COQ2: variants seen among roughly 807,000 people sequenced by gnomAD.
The protein encoded by COQ2 is coenzyme Q2, polyprenyltransferase.
Under a neutral mutation model 35.7 loss-of-function variants are expected in COQ2, and 25 were observed. The ratio of observed to expected loss-of-function variants is 0.70; its 90% CI spans 0.51 to 0.98. The LOEUF (loss-of-function observed/expected upper bound fraction) is 0.98, where lower values mean the gene tolerates loss of function less well. Among genes scored for constraint, COQ2 ranks in the 50% least tolerant of loss-of-function variants. The probability of loss-of-function intolerance (pLI) is 0.00; values close to 1 mark genes in which losing one functional copy is unlikely to be tolerated. For synonymous variants in COQ2, 206 were observed against 186.2 expected, an observed-to-expected ratio of 1.11 and a Z score of -0.86; for missense variants, 488 against 473.5, an observed-to-expected ratio of 1.03 and a Z score of -0.28.
At chr4:83,276,070 T>A (rs28538667) in intron 2 of COQ2, among the ~76,000 whole-genome samples, 204 of 66,610 alleles carry the variant, frequency 3.1e-3, no homozygotes, top group African/African-American at 8.7e-3. Context: ...ATATATATTT[T>A]ATATATAATA....
At chr4:83,274,539 G>A (rs34110644) in intron 2 of COQ2, among the ~76,000 whole-genome samples, 72,613 of 143,670 alleles carry the variant, frequency 0.51, 21,139 homozygotes, top group East Asian at 0.69. Context: ...AAAATTTGTT[G>A]ATGTGCAAAT....
At chr4:83,273,640 C>T in intron 2 of COQ2, 23 bp from the exon 3 acceptor site, 1 of 1,607,998 alleles carries the variant, frequency 6.2e-7, no homozygotes, top group Non-Finnish European at 8.5e-7. Flanking sequence ...AAACAGATAC[C>T]TTAGCTTCAT....
intron 2 of COQ2, among the ~76,000 whole-genome samples, chr4:83,276,284 C>T (rs75268241): frequency 6.6e-6 from 1 of 150,810 alleles, no homozygotes; most frequent in African/African-American, 2.5e-5. Flanking sequence ...CTTGTAGATT[C>T]TAGACATTAG....
At chr4:83,268,568 T>C (rs1001616725) in intron 5 of COQ2, among the ~76,000 whole-genome samples, 2 of 152,302 alleles carry the variant, frequency 1.3e-5, no homozygotes, top group Middle Eastern at 3.4e-3. Context: ...ACCTTCAGGG[T>C]GCAAACTGTG....
chr4:83,269,992 GC>G lies in COQ2; in HGVS notation c.629del (p.Gly210AlafsTer2). 1 of 1,612,810 alleles carries G rather than the reference GC, an allele frequency of 6.2e-7. No individual in the cohort carries two copies. Reference protein sequence around the residue: ...RISYWPQLALGLTFNWGALLG... With the variant: ...RISYWPQLALXLTFNWGALLG... ...GTAACGCTCCCCAATTAAATGTCAA[GC>G]CTACAATTAGCAAAACACAAAAAGG... On this transcript the variant is annotated frameshift_variant and splice_region_variant, in exon 5 of 7. Coordinates refer to ENST00000647002, the MANE Select transcript of COQ2 (RefSeq NM_001358921.2). LOFTEE classifies it high-confidence loss of function.
chr4:83,264,428 C>T, intron 6 of COQ2, 65 bp from the exon 7 acceptor site: 4 of 1,488,096 alleles, frequency 2.7e-6, no homozygotes, highest in Non-Finnish European at 3.6e-6. Context: ...AACAAATAAA[C>T]ATGTTAACAC....
chr4:83,277,292 C>T lies in COQ2; in HGVS notation c.420+1656G>A, dbSNP rs114482067. Among the ~76,000 whole-genome samples, 346 of 152,354 alleles carry T rather than the reference C, an allele frequency of 2.3e-3. 2 individuals are homozygous for T. Among genetic ancestry groups the T allele is most frequent in the African/African-American group, 7.8e-3 (324 of 41,580 alleles). ...CCATACAGCTCCTGCCACTCTTCTACTACACCCCATATCCTCCAGCCACAC... is the reference window on the plus strand; with the variant it reads ...CCATACAGCTCCTGCCACTCTTCTATTACACCCCATATCCTCCAGCCACAC... On this transcript the variant is annotated intron_variant, in intron 2 of 6. Coordinates refer to ENST00000647002, the MANE Select transcript of COQ2 (RefSeq NM_001358921.2).
intron 2 of COQ2, among the ~76,000 whole-genome samples, chr4:83,278,165 T>C (rs993352952): frequency 1.3e-5 from 2 of 152,192 alleles, no homozygotes; most frequent in African/African-American, 4.8e-5. Flanking sequence ...GGGTTTCTTT[T>C]AAAATCAAAT....
rs1206306626 is a variant in COQ2 at position 83,269,986 on chromosome 4, T to A, written c.636A>T (p.Thr212=). ...ATCCAAGTAACGCTCCCCAATTAAATGTCAAGCCTACAATTAGCAAAACAC... is the reference window on the plus strand; with the variant it reads ...ATCCAAGTAACGCTCCCCAATTAAAAGTCAAGCCTACAATTAGCAAAACAC... ...SYWPQLALGL[T]FNWGALLGWS... The change falls in exon 5 of 7, where the codon ACA becomes ACT. Residue 212 remains threonine (T), a synonymous_variant. Coordinates refer to ENST00000647002, the MANE Select transcript of COQ2 (RefSeq NM_001358921.2). 4 of 1,613,034 alleles carry A rather than the reference T, an allele frequency of 2.5e-6. No homozygotes were observed. Among genetic ancestry groups the A allele is most frequent in the Non-Finnish European group, 3.4e-6 (4 of 1,179,596 alleles).
intron 2 of COQ2, among the ~76,000 whole-genome samples, chr4:83,275,368 C>T (rs770664911): frequency 6.6e-6 from 1 of 151,838 alleles, no homozygotes; most frequent in Non-Finnish European, 1.5e-5. Flanking sequence ...GCTGGGGTTA[C>T]AAGCTCACGT....
In COQ2 at chr4:83,284,536, G is replaced by C; in HGVS notation, c.229C>G (p.Leu77Val). The C allele has an allele frequency of 6.3e-7, 1 of 1,576,522 alleles. No homozygotes were observed. The highest frequency in any genetic ancestry group is 8.6e-7 in the Non-Finnish European group (1 of 1,162,974). ...CCAATGGGCTTGTCCAACCGCATGA[G>C]GCGCAAGTACGGCTGCAGGGGGCGG... ...APRPLQPYLR[L>V]MRLDKPIGTW... The change falls in exon 1 of 7, where the codon CTC becomes GTC. Residue 77 changes from leucine (L) to valine (V), a missense_variant. Physicochemically the swap from Leu to Val is conservative, Grantham distance 32 (BLOSUM62 1). Coordinates refer to ENST00000647002, the MANE Select transcript of COQ2 (RefSeq NM_001358921.2).
chr4:83,276,371 T>G (rs919085404), intron 2 of COQ2, among the ~76,000 whole-genome samples: 1 of 152,178 alleles, frequency 6.6e-6, no homozygotes, highest in Non-Finnish European at 1.5e-5. Flanking sequence ...GATTATTTCT[T>G]TTGCTATGCA....
In COQ2 at chr4:83,267,678, G is replaced by A; in HGVS notation, c.859C>T (p.Leu287=). 6.4e-7 allele frequency: 1 copy of A among 1,565,836 alleles called. No homozygotes were observed. Among genetic ancestry groups the A allele is most frequent in the African/African-American group, 1.4e-5 (1 of 73,632 alleles). The change falls in exon 6 of 7, where the codon CTG becomes TTG. Residue 287 remains leucine, a synonymous_variant. Coordinates refer to ENST00000647002, the MANE Select transcript of COQ2 (RefSeq NM_001358921.2). Reference sequence around the variant, plus strand: ...ACACCCACTAGGCTCAGTGCCCCCAGCATTGCAACACTGAAGCCGCTGAGC... The same window carrying A: ...ACACCCACTAGGCTCAGTGCCCCCAACATTGCAACACTGAAGCCGCTGAGC... ...PWLSGFSVAM[L]GALSLVGVNS...
chr4:83,269,265 C>CA (rs1425368149), intron 5 of COQ2, among the ~76,000 whole-genome samples: 3 of 151,924 alleles, frequency 2.0e-5, no homozygotes, highest in African/African-American at 7.3e-5. Flanking sequence ...GAATTTATGG[C>CA]ATGTTAAATT....
At chr4:83,284,057 C>T in intron 1 of COQ2, 10 of 985,448 alleles carry the variant, frequency 1.0e-5, no homozygotes, top group South Asian at 4.7e-5. Flanking sequence ...AGCGTCTTAA[C>T]TGTCTTAAGG....
intron 1 of COQ2, among the ~76,000 whole-genome samples, chr4:83,283,057 C>T (rs1313546936): frequency 6.6e-6 from 1 of 152,190 alleles, no homozygotes; most frequent in Non-Finnish European, 1.5e-5. Context: ...GTGAATGTGG[C>T]CCCAAAACTC....
intron 6 of COQ2, chr4:83,266,736 A>G (rs1003158756): frequency 1.3e-5 from 2 of 157,882 alleles, no homozygotes; most frequent in Admixed American, 6.2e-5. Flanking sequence ...GTAGATTCTC[A>G]ACATAAGTTT....
chr4:83,265,162 C>T lies in COQ2; in HGVS notation c.952-799G>A, dbSNP rs1038777494. ...AAGTCTCACGTATGTTCCTATCTTC[C>T]TTAGGCATGGGGGACTATTCTTTAT... On this transcript the variant is annotated intron_variant, in intron 6 of 6. Transcript: ENST00000647002. 2.6e-5 allele frequency among the ~76,000 whole-genome samples: 4 copies of T among 152,184 alleles called. No individual in the cohort carries two copies. In the South Asian group the frequency reaches 6.2e-4, roughly 24 times the overall value.
chr4:83,284,141 G>A, intron 1 of COQ2: 1 of 985,476 alleles, frequency 1.0e-6, no homozygotes, highest in Non-Finnish European at 1.2e-6. Context: ...CCACGAGAAC[G>A]GAACCTTCCG....
Sources: allele counts gnomAD v4.1 joint callset (sites outside exome capture counted in the v4.1 genomes callset), GRCh38; gene constraint gnomAD v4.1.1; transcripts MANE v1.5; gene names NCBI Gene and HGNC (gene_info 2026-07-23, HGNC 2026-07-21).